ZNF83: variants seen among roughly 807,000 people sequenced by gnomAD.
ZNF83 encodes zinc finger protein 816B.
For synonymous variants in ZNF83, 209 were observed against 213.0 expected (o/e 0.98, Z 0.17); for missense variants, 552 against 629.9 (o/e 0.88, Z 1.32).
exon 3 of ZNF83, chr19:52,612,904 G>T: frequency 1.1e-6 from 1 of 932,090 alleles, no homozygotes; most frequent in South Asian, 1.8e-5. Context: ...ATTAAGCCTT[G>T]AACAAAAACT....
At chr19:52,653,425 T>A in intron 3 of ZNF83, 1 of 828,524 alleles carries the variant, frequency 1.2e-6, no homozygotes, top group Non-Finnish European at 2.0e-6. Context: ...ATGAACTCTG[T>A]TATGGCGTGA....
At chr19:52,620,205 AATAT>A in intron 2 of ZNF83, among the ~76,000 whole-genome samples, 1 of 150,392 alleles carries the variant, frequency 6.6e-6, no homozygotes, top group South Asian at 2.1e-4. Flanking sequence ...AGATTTTCAA[AATAT>A]ATACGTATGT....
intron 3 of ZNF83, among the ~76,000 whole-genome samples, chr19:52,648,807 C>G (rs1600226787): frequency 6.6e-6 from 1 of 152,202 alleles, no homozygotes; most frequent in South Asian, 2.1e-4. Flanking sequence ...ACTGCCTGCT[C>G]TAGTCACTAC....
intron 1 of ZNF83, among the ~76,000 whole-genome samples, chr19:52,637,464 T>C (rs1047794867): frequency 6.6e-6 from 1 of 152,148 alleles, no homozygotes; most frequent in East Asian, 1.9e-4. Flanking sequence ...CTTGCTGTCC[T>C]TCATCTCTCT....
intron 1 of ZNF83, among the ~76,000 whole-genome samples, chr19:52,676,995 G>T (rs1600265404): frequency 6.9e-6 from 1 of 145,250 alleles, no homozygotes; most frequent in Non-Finnish European, 1.5e-5. Flanking sequence ...ACTGCGGAAG[G>T]CCGCAGGGTC....
intron 1 of ZNF83, among the ~76,000 whole-genome samples, chr19:52,671,630 G>A (rs1284699903): frequency 1.3e-5 from 2 of 151,950 alleles, no homozygotes; most frequent in Non-Finnish European, 2.9e-5. Flanking sequence ...CTTTGTAGAG[G>A]GGTGGTCCCA....
chr19:52,667,004 A>C (rs529010116), intron 1 of ZNF83, among the ~76,000 whole-genome samples: 2 of 152,358 alleles, frequency 1.3e-5, no homozygotes, highest in African/African-American at 4.8e-5. Flanking sequence ...ATCAGGAAGG[A>C]GGCCACCTAT....
intron 3 of ZNF83, chr19:52,653,128 C>A (rs939825261): frequency 6.8e-7 from 1 of 1,464,808 alleles, no homozygotes; most frequent in Non-Finnish European, 9.5e-7. Flanking sequence ...AAAGGTCTTG[C>A]CACACTCATG....
intron 2 of ZNF83, among the ~76,000 whole-genome samples, chr19:52,630,855 C>T (rs141856576): frequency 0.021 from 3,258 of 152,004 alleles, 85 homozygotes; most frequent in African/African-American, 0.06. Context: ...CTCCTTACAA[C>T]TCCCCCATTT....
chr19:52,650,997 T>C (rs1209983823), intron 3 of ZNF83: 1 of 152,196 alleles, frequency 6.6e-6, no homozygotes, highest in Admixed American at 6.5e-5. Context: ...CCTTAGAAGG[T>C]AGATTAGGTT....
intron 1 of ZNF83, among the ~76,000 whole-genome samples, chr19:52,637,769 C>T (rs1440571014): frequency 6.6e-6 from 1 of 152,134 alleles, no homozygotes; most frequent in Non-Finnish European, 1.5e-5. Flanking sequence ...CAGGACAGGC[C>T]CCGGGTACCT....
At chr19:52,624,208 A>C (rs1257156528) in intron 2 of ZNF83, among the ~76,000 whole-genome samples, 1 of 152,162 alleles carries the variant, frequency 6.6e-6, no homozygotes, top group Non-Finnish European at 1.5e-5. Context: ...TCTACTCTGT[A>C]GTCCCTACTT....
chr19:52,681,280 C>CCAAAAAAAAAAAA (rs2061913966), intron 1 of ZNF83, among the ~76,000 whole-genome samples: 1 of 75,440 alleles, frequency 1.3e-5, no homozygotes, highest in Non-Finnish European at 2.5e-5. Context: ...GAGACTTTCT[C>CCAAAAAAAAAAAA]AAAAAAAAAA....
At chr19:52,637,274 CCT>C (rs1427575959) in intron 1 of ZNF83, among the ~76,000 whole-genome samples, 1 of 152,094 alleles carries the variant, frequency 6.6e-6, no homozygotes, top group South Asian at 2.1e-4. Context: ...TTCCGTCTTC[CCT>C]GTTATACCCC....
intron 3 of ZNF83, among the ~76,000 whole-genome samples, chr19:52,653,768 A>G (rs1450088183): frequency 6.6e-6 from 1 of 152,234 alleles, no homozygotes; most frequent in Non-Finnish European, 1.5e-5. Flanking sequence ...CTATGGTGCC[A>G]TGCAAGGTAT....
At chr19:52,650,414 A>T (rs2061428324) in intron 3 of ZNF83, 1 of 152,060 alleles carries the variant, frequency 6.6e-6, no homozygotes, top group Non-Finnish European at 1.5e-5. Flanking sequence ...TGTGCCACAA[A>T]GTCTGGCTAA....
intron 1 of ZNF83, among the ~76,000 whole-genome samples, chr19:52,668,532 T>A (rs1049567699): frequency 8.5e-5 from 13 of 152,140 alleles, no homozygotes; most frequent in African/African-American, 3.1e-4. Flanking sequence ...TAGGGTGTGC[T>A]TTTTTCTCCC....
chr19:52,613,532 A>G (rs758897940), exon 3 of ZNF83: 3 of 1,614,174 alleles, frequency 1.9e-6, no homozygotes, highest in Non-Finnish European at 1.7e-6. Flanking sequence ...TTACATTTGT[A>G]AGGTTTCTCT....
rs568435731 is a variant in ZNF83, at chr19:52,686,604, C to T, written c.-283+3839G>A. Among the ~76,000 whole-genome samples the T allele has an allele frequency of 5.3e-5, 8 of 151,948 alleles. No homozygotes were observed. The South Asian group carries it at 1.2e-3, about 24-fold the overall frequency. The stretch of plus-strand genomic sequence containing the variant: ...TGTTTGTTTTTCTGAGATGGAGACT[C>T]GCTATGCCACCCAGGCTGCAGTGCA... On this transcript the variant is annotated intron_variant, in intron 1 of 5. Transcript: ENST00000594682.
Sources: allele counts gnomAD v4.1 joint callset (sites outside exome capture counted in the v4.1 genomes callset), GRCh38; gene constraint gnomAD v4.1.1; transcripts MANE v1.5; gene names NCBI Gene and HGNC (gene_info 2026-07-23, HGNC 2026-07-21).